Variants in SNTG2 observed in about 807,000 individuals in gnomAD.
The protein encoded by SNTG2 is gamma-2-syntrophin.
Under a neutral mutation model 70.9 loss-of-function variants are expected in SNTG2, and 74 were observed. The ratio of observed to expected loss-of-function variants is 1.04; its 90% CI spans 0.86 to 1.27. The LOEUF (loss-of-function observed/expected upper bound fraction) is 1.27. Among genes scored for constraint, SNTG2 ranks in the 50% most tolerant of loss-of-function variants. SNTG2 has a pLI of 0.00. For missense variants in SNTG2, 717 were observed against 690.7 expected (o/e 1.04, Z -0.43); for synonymous variants, 278 against 273.8 (o/e 1.02, Z -0.15).
intron 1 of SNTG2, among the ~76,000 whole-genome samples, chr2:977,979 G>A (rs139852013): frequency 1.2e-4 from 19 of 152,274 alleles, no homozygotes; most frequent in Admixed American, 6.5e-4. Flanking sequence ...ATCAGCCTAC[G>A]TATTGATTTC....
chr2:1,288,300 T>C (rs375407118), intron 14 of SNTG2, among the ~76,000 whole-genome samples: 8 of 152,184 alleles, frequency 5.3e-5, no homozygotes, highest in African/African-American at 1.9e-4. Context: ...GTGTTTCTGG[T>C]TGTCTCATTT....
intron 8 of SNTG2, among the ~76,000 whole-genome samples, chr2:1,185,649 C>T (rs746679001): frequency 6.6e-6 from 1 of 152,172 alleles, no homozygotes; most frequent in Non-Finnish European, 1.5e-5. Context: ...ATCTGGGACC[C>T]TTATACCATG....
chr2:1,232,893 A>T (rs1158814614), intron 9 of SNTG2, among the ~76,000 whole-genome samples: 3 of 152,090 alleles, frequency 2.0e-5, no homozygotes, highest in African/African-American at 4.8e-5. Flanking sequence ...ACACACACAC[A>T]CATGCACACT....
intron 8 of SNTG2, among the ~76,000 whole-genome samples, chr2:1,208,522 G>T (rs1183884684): frequency 6.6e-6 from 1 of 152,174 alleles, no homozygotes; most frequent in Non-Finnish European, 1.5e-5. Context: ...CTCTTGCGGG[G>T]CTGCTGCGTG....
chr2:1,104,641 T>A (rs2148230103), intron 4 of SNTG2, among the ~76,000 whole-genome samples: 1 of 152,292 alleles, frequency 6.6e-6, no homozygotes, highest in Non-Finnish European at 1.5e-5. Flanking sequence ...CGTGGGTCCT[T>A]TTGTCAGCGT....
At chr2:1,075,255 A>T (rs890208282) in intron 1 of SNTG2, among the ~76,000 whole-genome samples, 2 of 152,178 alleles carry the variant, frequency 1.3e-5, no homozygotes, top group Non-Finnish European at 2.9e-5. Context: ...GCCTCTTGGG[A>T]TGCAAAGTGA....
At chr2:1,002,471 C>A (rs527793030) in intron 1 of SNTG2, among the ~76,000 whole-genome samples, 1 of 151,960 alleles carries the variant, frequency 6.6e-6, no homozygotes, top group Non-Finnish European at 1.5e-5. Context: ...TTTCAAAAGA[C>A]AAACAAATGG....
chr2:1,105,044 G>A (rs1666025647), intron 4 of SNTG2, among the ~76,000 whole-genome samples: 1 of 152,192 alleles, frequency 6.6e-6, no homozygotes, highest in Non-Finnish European at 1.5e-5. Context: ...CCGGACCCAA[G>A]TTCACCCTCA....
At chr2:1,289,494 C>G (rs1453374401) in intron 14 of SNTG2, among the ~76,000 whole-genome samples, 1 of 152,186 alleles carries the variant, frequency 6.6e-6, no homozygotes, top group Non-Finnish European at 1.5e-5. Context: ...CCATGGCACA[C>G]TTTGTGCACT....
intron 4 of SNTG2, among the ~76,000 whole-genome samples, chr2:1,127,068 T>C (rs1667740289): frequency 1.3e-5 from 2 of 152,152 alleles, no homozygotes; most frequent in African/African-American, 4.8e-5. Context: ...TCTATTTTTA[T>C]CATCTAGTCG....
chr2:1,133,178 T>G (rs1668137255), intron 4 of SNTG2, among the ~76,000 whole-genome samples: 2 of 152,216 alleles, frequency 1.3e-5, no homozygotes, highest in Non-Finnish European at 2.9e-5. Context: ...TCAGTAATTT[T>G]AGTCATTATT....
rs562851742 is a variant in SNTG2, at chr2:1,059,551, G to T, written c.73-23967G>T. Among the ~76,000 whole-genome samples the T allele has an allele frequency of 9.1e-4, 139 of 152,144 alleles. 1 individual carries two copies. Among genetic ancestry groups the T allele is most frequent in the Non-Finnish European group, 1.7e-3 (118 of 67,984 alleles). The stretch of plus-strand genomic sequence containing the variant: ...CATTTTTTGGAACTTTAATCTTTTG[G>T]ATACGTAATTTGTAATCTTTACTAT... On this transcript the variant is annotated intron_variant, in intron 1 of 16. Coordinates refer to ENST00000308624, the MANE Select transcript of SNTG2 (RefSeq NM_018968.4).
intron 4 of SNTG2, among the ~76,000 whole-genome samples, chr2:1,127,057 C>T (rs1357693930): frequency 2.0e-5 from 3 of 152,034 alleles, no homozygotes; most frequent in Non-Finnish European, 2.9e-5. Flanking sequence ...GAACCATTGC[C>T]TCTATTTTTA....
At chr2:966,944 C>T (rs1660587648) in intron 1 of SNTG2, among the ~76,000 whole-genome samples, 1 of 141,740 alleles carries the variant, frequency 7.1e-6, no homozygotes, top group Admixed American at 7.6e-5. Flanking sequence ...AAGACTCTGT[C>T]TCAAACAAAC....
At chr2:1,228,562 G>A (rs981638895) in intron 9 of SNTG2, among the ~76,000 whole-genome samples, 3 of 152,170 alleles carry the variant, frequency 2.0e-5, no homozygotes, top group Non-Finnish European at 4.4e-5. Context: ...GCTGTGTCCC[G>A]GGCCCTGAGC....
chr2:1,081,305 T>G (rs894255132), intron 1 of SNTG2, among the ~76,000 whole-genome samples: 2 of 152,204 alleles, frequency 1.3e-5, no homozygotes, highest in African/African-American at 4.8e-5. Flanking sequence ...TGAGATATCC[T>G]CACAGGTGTG....
chr2:1,070,909 C>G (rs926540189), intron 1 of SNTG2, among the ~76,000 whole-genome samples: 3 of 152,190 alleles, frequency 2.0e-5, no homozygotes, highest in Non-Finnish European at 2.9e-5. Context: ...TGAGGGTGTG[C>G]AGTGCCTGCT....
In SNTG2 at chr2:1,267,364, G is replaced by A. The variant is rs1204867056; in HGVS notation, c.1078-1G>A. 6.3e-7 allele frequency: 1 copy of A among 1,593,354 alleles called. No homozygotes were observed. The highest frequency in any genetic ancestry group is 2.3e-5 in the East Asian group (1 of 44,380). On this transcript the variant is annotated splice_acceptor_variant, in intron 13 of 16. Transcript: ENST00000308624. LOFTEE classifies it high-confidence loss of function. ...TTTCCAATCCATGCTCTGTTTTTCA[G>A]TTCTGGCTCACAGAGGACTGCTGGT...
chr2:1,168,876 C>T (rs576042616), intron 7 of SNTG2, among the ~76,000 whole-genome samples: 116 of 152,184 alleles, frequency 7.6e-4, no homozygotes, highest in African/African-American at 2.6e-3. Flanking sequence ...TTCCCAGGGC[C>T]GTAGAGGCAG....
Sources: allele counts gnomAD v4.1 joint callset (sites outside exome capture counted in the v4.1 genomes callset), GRCh38; gene constraint gnomAD v4.1.1; transcripts MANE v1.5; gene names NCBI Gene and HGNC (gene_info 2026-07-23, HGNC 2026-07-21).